The following MGAM variants were observed in gnomAD, a reference collection of about 807,000 sequenced individuals.
MGAM encodes alpha-1,4-glucosidase.
In MGAM, 253 loss-of-function variants were observed where a neutral mutation model predicts 358.8. That is an observed-to-expected ratio of 0.71 (90% CI 0.64 to 0.78). The LOEUF is 0.78. Among genes scored for constraint, MGAM ranks in the 30% least tolerant of loss-of-function variants. MGAM has a pLI of 0.00. For synonymous variants in MGAM, 1,105 were observed against 1,227.1 expected (o/e 0.90, Z 2.08); for missense variants, 3,080 against 3,432.6 (o/e 0.90, Z 2.57).
rs797026235 is a variant in MGAM, at chr7:142,025,223, G to A, written c.982+74G>A. The A allele has an allele frequency of 6.1e-6, 7 of 1,146,934 alleles. No individual in the cohort carries two copies. The African/African-American group carries it at 9.2e-5, about 15-fold the overall frequency. The allele number at this position is 1,146,934 out of a possible 1,614,324, so 71.0% of individuals were successfully genotyped here. On this transcript the variant is annotated intron_variant, in intron 8 of 70. Coordinates refer to ENST00000475668, the MANE Select transcript of MGAM (RefSeq NM_001365693.1). The stretch of plus-strand genomic sequence containing the variant: ...CCTTTCTTACAGCACTATGATAAAA[G>A]GAATGGATCCCTTTAAGAGTGACTG...
chr7:142,040,563 T>A, intron 20 of MGAM, 159 bp from the exon 21 acceptor site: 7 of 947,082 alleles, frequency 7.4e-6, no homozygotes, highest in Non-Finnish European at 1.1e-5. Flanking sequence ...CAGAACATGT[T>A]ATTCTTGATT....
chr7:142,059,153 A>G (rs1243505184), intron 31 of MGAM, among the ~76,000 whole-genome samples: 1 of 152,210 alleles, frequency 6.6e-6, no homozygotes, highest in Non-Finnish European at 1.5e-5. Context: ...GGGGTAGGTC[A>G]TCACCATCAC....
chr7:142,088,437 C>CTATGTATGTATGTATGTATG (rs75555022), intron 57 of MGAM, among the ~76,000 whole-genome samples: 2,517 of 139,656 alleles, frequency 0.018, 141 homozygotes, highest in African/African-American at 0.058. Flanking sequence ...ATGTACCCAT[C>CTATGTATGTATGTATGTATG]TATGTATGTA....
At chr7:142,035,209 C>A (rs1326747542) in intron 16 of MGAM, among the ~76,000 whole-genome samples, 1 of 152,086 alleles carries the variant, frequency 6.6e-6, no homozygotes, top group Non-Finnish European at 1.5e-5. Context: ...ACCCTACAGT[C>A]TTTGGCATTT....
intron 13 of MGAM, 110 bp from the exon 14 acceptor site, chr7:142,032,715 C>A (rs1807615702): frequency 3.0e-6 from 2 of 670,754 alleles, no homozygotes; most frequent in African/African-American, 1.8e-5. Context: ...ACAAATACCC[C>A]TTTAAAATAT....
At chr7:142,074,310 T>C in intron 45 of MGAM, 137 bp downstream of exon 45, 1 of 685,692 alleles carries the variant, frequency 1.5e-6, no homozygotes. Flanking sequence ...ATTTTGTTTC[T>C]GGTTGCACCA....
At chr7:142,045,141 T>G (rs111219493) in intron 21 of MGAM, among the ~76,000 whole-genome samples, 1 of 74,266 alleles carries the variant, frequency 1.3e-5, no homozygotes, top group Non-Finnish European at 2.8e-5. Context: ...ATGTATATTA[T>G]ATATCATATA....
In MGAM at chr7:142,083,312, C is replaced by G; in HGVS notation, c.6280C>G (p.Gln2094Glu). ...TTCTTCATTTTCAGATGTGACGTTC[C>G]AGCCCCTGCCTGCCTTGACATACCG... ...LNSNAMDVTF[Q>E]PLPALTYRTT... is the part of the protein sequence containing the mutation. The change falls in exon 53 of 71, where the codon CAG (glutamine) becomes GAG (glutamate). Residue 2094 changes from glutamine (Q) to glutamate (E), a missense_variant. Around this residue, in one of 5 missense-constraint regions of MGAM, gnomAD observed 932 missense variants for 1,198.2 expected, o/e 0.78. Coordinates refer to ENST00000475668, the MANE Select transcript of MGAM (RefSeq NM_001365693.1). The G allele has an allele frequency of 1.3e-6, 2 of 1,550,960 alleles. 1 individual carries two copies. Among genetic ancestry groups the G allele is most frequent in the Non-Finnish European group, 1.8e-6 (2 of 1,129,722 alleles).
At chr7:142,049,576 AT>A (rs1166064012) in intron 22 of MGAM, among the ~76,000 whole-genome samples, 2 of 152,220 alleles carry the variant, frequency 1.3e-5, no homozygotes, top group Non-Finnish European at 2.9e-5. Flanking sequence ...ATATAAAAAA[AT>A]AAGGAACTCA....
chr7:142,073,051 G>A (rs1813469485), intron 44 of MGAM, among the ~76,000 whole-genome samples: 2 of 146,060 alleles, frequency 1.4e-5, no homozygotes, highest in Admixed American at 6.9e-5. Context: ...ATATTTTACT[G>A]GGTAAGTCTC....
intron 1 of MGAM, among the ~76,000 whole-genome samples, chr7:142,002,307 GA>G (rs1411387732): frequency 6.6e-6 from 1 of 151,984 alleles, no homozygotes; most frequent in Admixed American, 6.6e-5. Flanking sequence ...TATTAACATA[GA>G]TTCAAAAATT....
In MGAM at chr7:142,059,774, A is replaced by G. The variant is rs1469996422; in HGVS notation, c.3949-82A>G. ...TGTGCAGGTAGAAGCCAGCGAGTTC[A>G]CCCTTGAGGAGTTCTCCTTCATTCT... On this transcript the variant is annotated intron_variant, in intron 32 of 70. Coordinates refer to ENST00000475668, the MANE Select transcript of MGAM (RefSeq NM_001365693.1). 1.1e-5 allele frequency: 17 copies of G among 1,565,222 alleles called. No individual in the cohort carries two copies. In the Middle Eastern group the frequency reaches 1.3e-3, roughly 124 times the overall value.
intron 22 of MGAM, among the ~76,000 whole-genome samples, chr7:142,049,953 C>T (rs1197933315): frequency 6.6e-6 from 1 of 152,076 alleles, no homozygotes; most frequent in Non-Finnish European, 1.5e-5. Flanking sequence ...GGGTGTATAT[C>T]CAGAGGACAT....
intron 33 of MGAM, 43 bp downstream of exon 33, chr7:142,060,009 TG>T (rs1339079581): frequency 1.6e-6 from 1 of 639,138 alleles, no homozygotes; most frequent in African/African-American, 2.2e-5. Context: ...AGCCTGAGGG[TG>T]GGTCACTGTT....
rs1420485930 is a variant in MGAM at position 142,096,412 on chromosome 7, G to A, written c.7689G>A (p.Glu2563=). The change falls in exon 65 of 71, where the codon GAG becomes GAA. Residue 2563 remains glutamate (E), a synonymous_variant. Coordinates refer to ENST00000475668, the MANE Select transcript of MGAM (RefSeq NM_001365693.1). The part of the protein sequence containing the change: ...GPAFLVSPVL[E]RNARNVTAYF... ...CCTTCCTGGTCAGCCCTGTCCTGGA[G>A]CGTGTGAGTATGGAGGCCTCCGATG... 6.2e-7 allele frequency: 1 copy of A among 1,613,764 alleles called. No individual in the cohort carries two copies. The highest frequency in any genetic ancestry group is 8.5e-7 in the Non-Finnish European group (1 of 1,179,716).
At chr7:142,027,459 G>A in intron 9 of MGAM, 151 bp from the exon 10 acceptor site, 3 of 952,466 alleles carry the variant, frequency 3.1e-6, no homozygotes, top group South Asian at 3.6e-5. Flanking sequence ...AAACATTTAT[G>A]AAGGGGCTGG....
chr7:142,058,425 A>G (rs1350907018), intron 31 of MGAM, 97 bp downstream of exon 31: 1 of 1,564,310 alleles, frequency 6.4e-7, no homozygotes, highest in Non-Finnish European at 8.6e-7. Context: ...CCATAAAGAC[A>G]TAAAGTTCTT....
intron 34 of MGAM, 76 bp downstream of exon 34, chr7:142,060,449 GC>G: frequency 6.5e-7 from 1 of 1,532,514 alleles, no homozygotes. Context: ...TTGTGGACAT[GC>G]CTGTACCGTG....
At chr7:141,986,864 A>G (rs1803726375) in intron 2 of MGAM, among the ~76,000 whole-genome samples, 4 of 152,082 alleles carry the variant, frequency 2.6e-5, no homozygotes, top group African/African-American at 9.7e-5. Context: ...ACCCTCATCT[A>G]AAAAAATAGA....
Sources: allele counts gnomAD v4.1 joint callset (sites outside exome capture counted in the v4.1 genomes callset), GRCh38; gene constraint gnomAD v4.1.1; regional missense constraint gnomAD v4.1.1; transcripts MANE v1.5; gene names NCBI Gene and HGNC (gene_info 2026-07-23, HGNC 2026-07-21).